SMCO2: variants seen among roughly 807,000 people sequenced by gnomAD.
SMCO2 encodes single-pass membrane and coiled-coil domain-containing protein 2.
SMCO2 carries 25 observed loss-of-function variants against 29.5 expected under a neutral mutation model. The observed-to-expected ratio is 0.85, with a 90% CI of 0.62 to 1.18. The LOEUF is 1.18. Ranked by LOEUF, SMCO2 falls within the 50% of genes most tolerant of loss-of-function variation. The pLI is 0.00. For missense variants in SMCO2, 348 were observed against 344.5 expected, an observed-to-expected ratio of 1.01 and a Z score of -0.08; for synonymous variants, 117 against 123.3, an observed-to-expected ratio of 0.95 and a Z score of 0.34.
At chr12:27,430,078 C>T in the SMCO2 span, among the ~76,000 whole-genome samples, 2 of 152,228 alleles carry the variant, frequency 1.3e-5, no homozygotes, top group Non-Finnish European at 2.9e-5. Flanking sequence ...AAATATTATG[C>T]CCTTTCTCCA....
chr12:27,450,017 T>G, the SMCO2 span, among the ~76,000 whole-genome samples: 2 of 152,162 alleles, frequency 1.3e-5, no homozygotes, highest in East Asian at 3.8e-4. Context: ...TGACCCCTAC[T>G]CCAATCATAA....
At position 27,469,709 on chromosome 12, in the gene SMCO2, G is replaced by A. The variant is rs551573781; in HGVS notation, c.-10-913G>A. Among the ~76,000 whole-genome samples, 8 of 152,268 alleles carry A rather than the reference G, an allele frequency of 5.3e-5. No individual in the cohort carries two copies. The South Asian group carries it at 1.7e-3, about 32-fold the overall frequency. ...CCCTCCTGATTTCTGCCTATAACTA[G>A]GAGTTATGTTTTGTATCTATCCTTT... On this transcript the variant is annotated intron_variant, in intron 1 of 7. Transcript: ENST00000298876.
chr12:27,427,629 A>T, the SMCO2 span, among the ~76,000 whole-genome samples: 5 of 152,210 alleles, frequency 3.3e-5, no homozygotes, highest in African/African-American at 4.8e-5. Flanking sequence ...AGAAATAGCC[A>T]ACAGCCAGAC....
intron 4 of SMCO2, among the ~76,000 whole-genome samples, chr12:27,478,721 T>A (rs1195460463): frequency 6.6e-6 from 1 of 152,044 alleles, no homozygotes; most frequent in East Asian, 1.9e-4. Context: ...ACAATGTACA[T>A]AGGCAGTGGC....
chr12:27,430,645 G>A, the SMCO2 span, among the ~76,000 whole-genome samples: 2 of 152,066 alleles, frequency 1.3e-5, no homozygotes, highest in African/African-American at 2.4e-5. Context: ...ATTCTCTTGC[G>A]TTGTTGAAAT....
chr12:27,453,300 A>T, the SMCO2 span, among the ~76,000 whole-genome samples: 1 of 152,176 alleles, frequency 6.6e-6, no homozygotes, highest in Admixed American at 6.5e-5. Context: ...CATTATGAAA[A>T]GACCATTCTA....
intron 5 of SMCO2, among the ~76,000 whole-genome samples, chr12:27,491,597 G>A (rs894521174): frequency 5.9e-5 from 9 of 152,080 alleles, no homozygotes; most frequent in Non-Finnish European, 2.9e-5. Context: ...AGCTACTTGA[G>A]GGTAAATATT....
chr12:27,432,713 C>A, the SMCO2 span, among the ~76,000 whole-genome samples: 2 of 152,154 alleles, frequency 1.3e-5, no homozygotes, highest in African/African-American at 2.4e-5. Flanking sequence ...ACTGAGGTGA[C>A]ACATGACATG....
At chr12:27,500,975 G>A (rs1943068211) in intron 7 of SMCO2, among the ~76,000 whole-genome samples, 1 of 150,546 alleles carries the variant, frequency 6.6e-6, no homozygotes, top group Non-Finnish European at 1.5e-5. Context: ...GATGATCTAT[G>A]ACATTTCTTC....
At chr12:27,478,912 G>T (rs439865) in intron 4 of SMCO2, among the ~76,000 whole-genome samples, 18,326 of 152,184 alleles carry the variant, frequency 0.12, 2,132 homozygotes, top group African/African-American at 0.28. Context: ...ATTGATGGTG[G>T]CAGTGGCAGG....
the SMCO2 span, among the ~76,000 whole-genome samples, chr12:27,435,282 ACCC>A: frequency 1.8e-4 from 4 of 22,294 alleles, 2 homozygotes; most frequent in African/African-American, 3.6e-4. Context: ...TGGCAGCAGA[ACCC>A]CCCCCCCCCC....
At chr12:27,445,372 A>G in the SMCO2 span, among the ~76,000 whole-genome samples, 1 of 152,218 alleles carries the variant, frequency 6.6e-6, no homozygotes, top group East Asian at 1.9e-4. Context: ...TAGAATAAGT[A>G]TATTCCATGC....
At chr12:27,426,812 C>A in the SMCO2 span, among the ~76,000 whole-genome samples, 1 of 152,146 alleles carries the variant, frequency 6.6e-6, no homozygotes, top group Non-Finnish European at 1.5e-5. Flanking sequence ...GAGAACCCAA[C>A]TGAGGTAGGG....
At chr12:27,466,395 G>A (rs117826173), upstream of SMCO2, among the ~76,000 whole-genome samples, 875 of 152,300 alleles carry the variant, frequency 5.7e-3, 33 homozygotes, top group East Asian at 0.11. Context: ...CTGGGCGACA[G>A]AGCGAGAGTC....
In SMCO2 at chr12:27,499,794, T is replaced by C. The variant is rs555639685; in HGVS notation, c.684-2129T>C. On this transcript the variant is annotated intron_variant, in intron 7 of 7. Transcript: ENST00000298876. Reference sequence around the variant, plus strand: ...GAGATATATTGGTTTAACTACAGCATATTTATACACTAACATCTTGAGGAA... The same window carrying C: ...GAGATATATTGGTTTAACTACAGCACATTTATACACTAACATCTTGAGGAA... Among the ~76,000 whole-genome samples, 267 of 150,880 alleles carry C rather than the reference T, an allele frequency of 1.8e-3. 21 individuals are homozygous for C. Among genetic ancestry groups the C allele is most frequent in the African/African-American group, 6.4e-3 (259 of 40,444 alleles).
intron 4 of SMCO2, 147 bp from the exon 6 acceptor site, chr12:27,488,313 T>C (rs1230571027): frequency 8.7e-6 from 4 of 457,472 alleles, no homozygotes; most frequent in Non-Finnish European, 1.1e-5. Flanking sequence ...CTTTTTTGAA[T>C]TTCATTTACT....
chr12:27,494,600 G>T (rs1259460074), intron 6 of SMCO2, among the ~76,000 whole-genome samples: 1 of 151,362 alleles, frequency 6.6e-6, no homozygotes, highest in Non-Finnish European at 1.5e-5. Context: ...GTGGTTTGCT[G>T]CATCCATCAA....
At chr12:27,424,635 G>A in the SMCO2 span, 1 of 152,330 alleles carries the variant, frequency 6.6e-6, no homozygotes, top group East Asian at 1.9e-4. Flanking sequence ...ACCATGTTTA[G>A]TAGTGTCCAG....
intron 7 of SMCO2, among the ~76,000 whole-genome samples, chr12:27,501,542 G>A (rs1943078328): frequency 6.7e-6 from 1 of 150,046 alleles, no homozygotes; most frequent in Admixed American, 6.6e-5. Context: ...CCTTTATCAC[G>A]TTATACTTTG....
Sources: gnomAD v4.1 joint callset for allele counts (sites outside exome capture counted in the v4.1 genomes callset) on GRCh38, gnomAD v4.1.1 for gene constraint, MANE v1.5 for transcripts, NCBI Gene and HGNC (gene_info 2026-07-23, HGNC 2026-07-21) for gene names.